Variants in RBMS3 observed in about 807,000 individuals in gnomAD.
The protein encoded by RBMS3 is RNA-binding motif, single-stranded-interacting protein 3.
In RBMS3, 27 loss-of-function variants were observed where a neutral mutation model predicts 66.8. That is an observed-to-expected ratio of 0.40 (90% confidence interval 0.30 to 0.56). The LOEUF is 0.56. Ranked by LOEUF, RBMS3 falls within the 20% of genes least tolerant of loss-of-function variation. The pLI is 0.40. For missense variants in RBMS3, 513 were observed against 549.5 expected, an observed-to-expected ratio of 0.93 and a Z score of 0.66; for synonymous variants, 188 against 183.0, an observed-to-expected ratio of 1.03 and a Z score of -0.22.
chr3:29,621,498 T>C (rs2048862993), intron 4 of RBMS3, among the ~76,000 whole-genome samples: 1 of 152,168 alleles, frequency 6.6e-6, no homozygotes, highest in African/African-American at 2.4e-5. Context: ...GTTGATCAAA[T>C]AATGAATGTA....
intron 4 of RBMS3, among the ~76,000 whole-genome samples, chr3:29,617,983 AC>A (rs1390670653): frequency 2.6e-5 from 4 of 152,134 alleles, no homozygotes; most frequent in African/African-American, 9.7e-5. Context: ...GATACATGCT[AC>A]CTTTTTAGAT....
intron 3 of RBMS3, among the ~76,000 whole-genome samples, chr3:29,568,491 G>A (rs1157563429): frequency 1.3e-5 from 2 of 152,208 alleles, no homozygotes; most frequent in Non-Finnish European, 2.9e-5. Flanking sequence ...AAAAGATGAG[G>A]GAGTTGGAGA....
At chr3:29,700,393 G>A (rs1424657261) in intron 4 of RBMS3, among the ~76,000 whole-genome samples, 2 of 152,180 alleles carry the variant, frequency 1.3e-5, no homozygotes, top group Non-Finnish European at 2.9e-5. Context: ...GAGGCAGGTT[G>A]TAGAACATGA....
At chr3:29,548,361 T>C (rs2046048253) in intron 3 of RBMS3, among the ~76,000 whole-genome samples, 1 of 151,864 alleles carries the variant, frequency 6.6e-6, no homozygotes, top group Non-Finnish European at 1.5e-5. Flanking sequence ...GCCCAGGATT[T>C]CAAAGTTACG....
intron 6 of RBMS3, among the ~76,000 whole-genome samples, chr3:29,778,101 T>G (rs1203688958): frequency 3.3e-5 from 5 of 151,952 alleles, no homozygotes; most frequent in African/African-American, 4.8e-5. Context: ...TTATTTACAT[T>G]TGCAATCTCT....
intron 4 of RBMS3, among the ~76,000 whole-genome samples, chr3:29,620,000 T>C (rs1171205535): frequency 5.3e-5 from 8 of 152,118 alleles, no homozygotes; most frequent in Admixed American, 3.9e-4. Flanking sequence ...CCCTTGATCT[T>C]AGAGAATAAA....
Position 29,991,194 on chromosome 3 carries a change from C to T in RBMS3, c.1292C>T (p.Ser431Phe). ...DTSNEHAPAY[S>F]YQQSKP Reference sequence around the variant, plus strand: ...TCCAACGAACATGCACCTGCATATTCTTACCAACAGTCTAAGTAAGTCTGG... The same window carrying T: ...TCCAACGAACATGCACCTGCATATTTTTACCAACAGTCTAAGTAAGTCTGG... The change falls in exon 14 of 15, where the codon TCT (serine) becomes TTT (phenylalanine). Residue 431 changes from serine (S) to phenylalanine (F), a missense_variant. Physicochemically the swap from Ser to Phe is radical, Grantham distance 155. Transcript: ENST00000383767. 6.2e-7 allele frequency: 1 copy of T among 1,614,174 alleles called. No individual in the cohort carries two copies. The highest frequency in any genetic ancestry group is 8.5e-7 in the Non-Finnish European group (1 of 1,180,038).
In RBMS3 at chr3:29,366,733, T is replaced by C. The variant is rs936963964; in HGVS notation, c.76-68010T>C. 1.2e-4 allele frequency among the ~76,000 whole-genome samples: 19 copies of C among 152,188 alleles called. 1 individual carries two copies. The highest frequency in any genetic ancestry group is 2.9e-5 in the Non-Finnish European group (2 of 68,026). ...GGTATCTCTGGGGCCAAGAGTTCCCTGTACAGCCCGAATAGCAAATCAACT... is the reference window on the plus strand; with the variant it reads ...GGTATCTCTGGGGCCAAGAGTTCCCCGTACAGCCCGAATAGCAAATCAACT... On this transcript the variant is annotated intron_variant, in intron 1 of 14. Transcript: ENST00000383767.
At chr3:29,659,042 C>T (rs2050428491) in intron 4 of RBMS3, among the ~76,000 whole-genome samples, 1 of 152,182 alleles carries the variant, frequency 6.6e-6, no homozygotes, top group Non-Finnish European at 1.5e-5. Flanking sequence ...TGGTCTTGAT[C>T]TCCTGACCTC....
At chr3:29,665,461 CT>C (rs1388639924) in intron 4 of RBMS3, among the ~76,000 whole-genome samples, 22 of 152,134 alleles carry the variant, frequency 1.4e-4, no homozygotes, top group Non-Finnish European at 2.6e-4. Flanking sequence ...ATTCAGCGTT[CT>C]TTTTCCTCCT....
intron 10 of RBMS3, among the ~76,000 whole-genome samples, chr3:29,931,086 T>C (rs571159119): frequency 7.2e-5 from 11 of 152,128 alleles, no homozygotes; most frequent in Non-Finnish European, 1.0e-4. Flanking sequence ...ACAACATAAT[T>C]TCAACCCTTT....
Position 29,763,088 on chromosome 3 carries a change from TG to T in RBMS3, c.637+105del, listed in dbSNP as rs745616097. ...AAGCCCTTGTTGATCACTGCAGAGTTGGGGGGTTTGCTTTTCTTAATGTGTA... is the reference window on the plus strand; with the variant it reads ...AAGCCCTTGTTGATCACTGCAGAGTTGGGGGTTTGCTTTTCTTAATGTGTA... On this transcript the variant is annotated intron_variant, in intron 6 of 14. Coordinates refer to ENST00000383767, the MANE Select transcript of RBMS3 (RefSeq NM_001003793.3). 1.0e-4 allele frequency: 78 copies of T among 752,842 alleles called. 1 individual carries two copies. The highest frequency in any genetic ancestry group is 5.8e-4 in the Admixed American group (18 of 31,118). The allele number at this position is 752,842 out of a possible 1,614,324, so 46.6% of individuals were successfully genotyped here. A position where few individuals can be genotyped will look rare whatever the true frequency, so the allele number is the denominator to read the frequency against.
chr3:29,573,924 T>C (rs2047023214), intron 3 of RBMS3, among the ~76,000 whole-genome samples: 1 of 152,230 alleles, frequency 6.6e-6, no homozygotes, highest in Non-Finnish European at 1.5e-5. Flanking sequence ...TCAGAGAAGA[T>C]ACTTGATATT....
At chr3:29,404,891 A>C (rs1463329855) in intron 1 of RBMS3, among the ~76,000 whole-genome samples, 1 of 152,160 alleles carries the variant, frequency 6.6e-6, no homozygotes, top group African/African-American at 2.4e-5. Flanking sequence ...AAAAATTGAC[A>C]AATAATATAG....
chr3:29,893,155 C>T (rs899780357), intron 8 of RBMS3, among the ~76,000 whole-genome samples: 20 of 151,430 alleles, frequency 1.3e-4, no homozygotes, highest in Admixed American at 1.3e-3. Context: ...TTCTGTTCTT[C>T]CCAGAACATT....
At chr3:29,891,325 C>G (rs1049330611) in intron 8 of RBMS3, among the ~76,000 whole-genome samples, 2 of 151,630 alleles carry the variant, frequency 1.3e-5, no homozygotes, top group Non-Finnish European at 3.0e-5. Context: ...CTGAATCTAT[C>G]CAAGTTATCA....
chr3:29,512,396 A>G (rs2044448741), intron 3 of RBMS3, among the ~76,000 whole-genome samples: 1 of 151,360 alleles, frequency 6.6e-6, no homozygotes, highest in Non-Finnish European at 1.5e-5. Context: ...GAATTAAATT[A>G]TTATCTAGAG....
intron 10 of RBMS3, among the ~76,000 whole-genome samples, chr3:29,906,397 A>G (rs2060379211): frequency 6.6e-6 from 1 of 152,092 alleles, no homozygotes; most frequent in Non-Finnish European, 1.5e-5. Flanking sequence ...CAAGAGAGCC[A>G]GAGAGAGCTT....
intron 2 of RBMS3, among the ~76,000 whole-genome samples, chr3:29,444,135 A>G (rs2125744595): frequency 6.6e-6 from 1 of 152,276 alleles, no homozygotes; most frequent in Non-Finnish European, 1.5e-5. Flanking sequence ...GGGAGCCATA[A>G]GCATTATAAA....
Sources: allele counts gnomAD v4.1 joint callset (sites outside exome capture counted in the v4.1 genomes callset), GRCh38; gene constraint gnomAD v4.1.1; transcripts MANE v1.5; gene names NCBI Gene and HGNC (gene_info 2026-07-23, HGNC 2026-07-21).